The following IL17B variants were observed in gnomAD, a reference collection of about 807,000 sequenced individuals.
IL17B encodes interleukin 17B, also known as interleukin-17B.
IL17B carries 14 observed loss-of-function variants against 14.7 expected under a neutral mutation model. The ratio of observed to expected loss-of-function variants is 0.95; its 90% CI spans 0.63 to 1.49. IL17B has a LOEUF of 1.49. Among genes scored for constraint, IL17B ranks in the 40% most tolerant of loss-of-function variants. IL17B has a pLI of 0.00. For missense variants in IL17B, 233 were observed against 252.8 expected (o/e 0.92, Z 0.53); for synonymous variants, 105 against 94.8 (o/e 1.11, Z -0.62).
Position 149,374,984 on chromosome 5 carries a change from T to C in IL17B, c.312-384A>G, listed in dbSNP as rs1581381362. 1.1e-5 allele frequency: 2 copies of C among 174,862 alleles called. No individual in the cohort carries two copies. The highest frequency in any genetic ancestry group is 3.1e-4 in the East Asian group (2 of 6,514). The allele number at this position is 174,862 out of a possible 1,614,324, so 10.8% of individuals were successfully genotyped here. ...GTCACCCAGGGTGGAAGTGGCCCAG[T>C]CACAGCTTACTGCAGCATCAGCCTC... On this transcript the variant is annotated intron_variant, in intron 2 of 2. Transcript: ENST00000261796. This position sits in a 1 kb window ranked among gnomAD's most constrained non-coding sequence, Gnocchi z 5.0.
At chr5:149,390,779 AT>A (rs1420696549) in intron 1 of IL17B, among the ~76,000 whole-genome samples, 1 of 151,738 alleles carries the variant, frequency 6.6e-6, no homozygotes, top group Non-Finnish European at 1.5e-5. Context: ...TCTCATTTCT[AT>A]TTTTTATTTG....
At chr5:149,403,063 G>A (rs1017498938) in intron 1 of IL17B, among the ~76,000 whole-genome samples, 2 of 117,272 alleles carry the variant, frequency 1.7e-5, no homozygotes, top group Non-Finnish European at 3.5e-5. Flanking sequence ...TGTTTGTTTT[G>A]TTCTGTTTTG....
At chr5:149,402,595 A>G (rs1314046598) in intron 1 of IL17B, among the ~76,000 whole-genome samples, 2 of 150,432 alleles carry the variant, frequency 1.3e-5, no homozygotes, top group African/African-American at 4.9e-5. Context: ...GCGCCTTGCT[A>G]CTCTCACACT....
chr5:149,398,299 AC>A (rs1759133062), intron 1 of IL17B, among the ~76,000 whole-genome samples: 1 of 152,222 alleles, frequency 6.6e-6, no homozygotes, highest in African/African-American at 2.4e-5. Context: ...TGGGACTTTA[AC>A]ATTCAGGATT....
chr5:149,388,680 A>C (rs1224254147), intron 1 of IL17B, among the ~76,000 whole-genome samples: 2 of 152,236 alleles, frequency 1.3e-5, no homozygotes, highest in Non-Finnish European at 2.9e-5. Flanking sequence ...CGACCCAGCA[A>C]AAGTGTCCTT....
intron 1 of IL17B, among the ~76,000 whole-genome samples, chr5:149,390,630 C>CACACACACACACACACACACAGAG (rs1491235916): frequency 1.5e-5 from 2 of 132,084 alleles, no homozygotes; most frequent in African/African-American, 5.8e-5. Context: ...CACACACACA[C>CACACACACACACACACACACAGAG]AGAGATACAC....
intron 1 of IL17B, among the ~76,000 whole-genome samples, chr5:149,390,217 A>ACAC: frequency 7.7e-6 from 1 of 130,666 alleles, no homozygotes; most frequent in Non-Finnish European, 1.7e-5. Context: ...GGTATTAGTG[A>ACAC]CCCCCCCCCT....
upstream of IL17B, among the ~76,000 whole-genome samples, chr5:149,379,841 A>G (rs542193769): frequency 4.6e-5 from 7 of 152,316 alleles, no homozygotes; most frequent in Non-Finnish European, 1.0e-4. Flanking sequence ...ACTTGTCACT[A>G]TTAACAGTGA....
At chr5:149,393,901 C>G (rs920184460) in intron 1 of IL17B, among the ~76,000 whole-genome samples, 1 of 152,208 alleles carries the variant, frequency 6.6e-6, no homozygotes, top group Non-Finnish European at 1.5e-5. Context: ...GAATTGGGAA[C>G]TGATCATAAT....
chr5:149,382,044 G>T (rs1389624401), upstream of IL17B, among the ~76,000 whole-genome samples: 3 of 152,248 alleles, frequency 2.0e-5, no homozygotes, highest in Non-Finnish European at 2.9e-5. Flanking sequence ...CAGGAGCAGT[G>T]CTGCACTCAC....
upstream of IL17B, among the ~76,000 whole-genome samples, chr5:149,380,775 G>A (rs911318069): frequency 6.6e-6 from 1 of 152,240 alleles, no homozygotes; most frequent in African/African-American, 2.4e-5. Context: ...GGGGAAGAAG[G>A]CAGGGTGAGA....
At position 149,385,062 on chromosome 5, in the gene IL17B, C is replaced by T. The variant is rs575840166; in HGVS notation, n.96-8037G>A. Among the ~76,000 whole-genome samples, 14 of 150,506 alleles carry T rather than the reference C, an allele frequency of 9.3e-5. No homozygotes were observed. The East Asian group carries it at 1.0e-3, about 11-fold the overall frequency. On this transcript the variant is annotated intron_variant and non_coding_transcript_variant, in intron 1 of 2. Coordinates refer to the IL17B transcript ENST00000505432. ...CCAAGTAGCTAGGATTACAGGCATG[C>T]GCCACCATGCCCAGCTAATTTTTGT...
At chr5:149,401,604 G>A (rs1231011676) in intron 1 of IL17B, among the ~76,000 whole-genome samples, 1 of 152,120 alleles carries the variant, frequency 6.6e-6, no homozygotes, top group African/African-American at 2.4e-5. Context: ...AATTAGCCAG[G>A]TGTGGTAGCA....
intron 1 of IL17B, among the ~76,000 whole-genome samples, chr5:149,393,001 G>A (rs1199737656): frequency 6.6e-6 from 1 of 151,074 alleles, no homozygotes; most frequent in Non-Finnish European, 1.5e-5. Context: ...TGTGTGTGCT[G>A]CGTGTGTGCA....
chr5:149,376,636 A>C, intron 2 of IL17B, 100 bp downstream of exon 2: 1 of 1,467,658 alleles, frequency 6.8e-7, no homozygotes, highest in Non-Finnish European at 9.1e-7. Context: ...GAACCCAAGC[A>C]CCCAGACCTC....
chr5:149,385,430 CA>C (rs1758805722), intron 1 of IL17B, among the ~76,000 whole-genome samples: 1 of 152,210 alleles, frequency 6.6e-6, no homozygotes, highest in Non-Finnish European at 1.5e-5. Flanking sequence ...AGGCGTGAGC[CA>C]CCGTACGCGG....
rs918058102 is a variant in IL17B at position 149,374,823 on chromosome 5, C to T, written c.312-223G>A. 5.9e-6 allele frequency: 3 copies of T among 510,574 alleles called. No homozygotes were observed. The highest frequency in any genetic ancestry group is 1.1e-5 in the Non-Finnish European group (3 of 285,516). The allele number at this position is 510,574 out of a possible 1,614,324, so 31.6% of individuals were successfully genotyped here. A position where few individuals can be genotyped will look rare whatever the true frequency, so the allele number is the denominator to read the frequency against. ...CCAAGGTTATCCAGCTTCAAGGTCA[C>T]CAGTCACCCAGCTTCCTTCTTTCGT... On this transcript the variant is annotated intron_variant, in intron 2 of 2. Coordinates refer to ENST00000261796, the MANE Select transcript of IL17B (RefSeq NM_014443.3). The surrounding 1 kb of genome is among the most constrained non-coding windows in gnomAD (Gnocchi z 5.0).
In IL17B at chr5:149,379,115, C is replaced by T. The variant is rs555557292; in HGVS notation, c.21+90G>A. ...TTGCCTCTGCAGATTCTAAACCAAACAGAGGCAGCCATTAATAAATAGGAA... is the reference window on the plus strand; with the variant it reads ...TTGCCTCTGCAGATTCTAAACCAAATAGAGGCAGCCATTAATAAATAGGAA... On this transcript the variant is annotated intron_variant, in intron 1 of 2. Coordinates refer to ENST00000261796, the MANE Select transcript of IL17B (RefSeq NM_014443.3). 1.4e-5 allele frequency: 21 copies of T among 1,511,880 alleles called. 2 individuals are homozygous for T. The South Asian group carries it at 2.4e-4, about 17-fold the overall frequency. The allele number at this position is 1,511,880 out of a possible 1,614,324, so 93.7% of individuals were successfully genotyped here. A position where few individuals can be genotyped will look rare whatever the true frequency, so the allele number is the denominator to read the frequency against.
At chr5:149,400,807 T>C (rs1480036588) in intron 1 of IL17B, among the ~76,000 whole-genome samples, 1 of 152,206 alleles carries the variant, frequency 6.6e-6, no homozygotes, top group Non-Finnish European at 1.5e-5. Context: ...GGGGTGCCAC[T>C]GGTGTAAGTC....
Sources: allele counts gnomAD v4.1 joint callset (sites outside exome capture counted in the v4.1 genomes callset), GRCh38; gene constraint gnomAD v4.1.1; non-coding constraint Gnocchi (gnomAD v3.1); transcripts MANE v1.5; gene names NCBI Gene and HGNC (gene_info 2026-07-23, HGNC 2026-07-21).